The following RBFOX1 variants were observed in gnomAD, a reference collection of about 807,000 sequenced individuals.
RBFOX1 encodes RNA binding fox-1 homolog 1, also known as RNA binding protein fox-1 homolog 1.
A neutral mutation model predicts 57.7 loss-of-function variants in RBFOX1; 8 were observed. The ratio of observed to expected loss-of-function variants is 0.14; its 90% CI spans 0.08 to 0.25. The LOEUF (loss-of-function observed/expected upper bound fraction) is 0.25. Ranked by LOEUF, RBFOX1 falls within the 10% of genes least tolerant of loss-of-function variation. The probability of loss-of-function intolerance (pLI) is 1.00; values close to 1 mark genes in which losing one functional copy is unlikely to be tolerated. For synonymous variants in RBFOX1, 326 were observed against 222.4 expected (o/e 1.47, Z -4.15); for missense variants, 611 against 548.5 (o/e 1.11, Z -1.14).
At chr16:5,733,715 T>C (rs937613491) in intron 3 of RBFOX1, among the ~76,000 whole-genome samples, 2 of 152,088 alleles carry the variant, frequency 1.3e-5, no homozygotes, top group African/African-American at 4.8e-5. Context: ...CCTTTCCCTC[T>C]TACCTCTTTA....
intron 5 of RBFOX1, among the ~76,000 whole-genome samples, chr16:7,564,639 T>C (rs980771286): frequency 6.8e-6 from 1 of 146,216 alleles, no homozygotes; most frequent in Non-Finnish European, 1.5e-5. Context: ...GATCCTGCAC[T>C]ACCAGCCTCC....
chr16:7,196,985 G>C (rs536035948), intron 4 of RBFOX1, among the ~76,000 whole-genome samples: 7 of 152,268 alleles, frequency 4.6e-5, no homozygotes, highest in East Asian at 1.9e-4. Flanking sequence ...CGCAAGTCTG[G>C]GTAATTTTAA....
At chr16:7,156,922 A>G (rs1387926210) in intron 4 of RBFOX1, among the ~76,000 whole-genome samples, 1 of 152,180 alleles carries the variant, frequency 6.6e-6, no homozygotes, top group South Asian at 2.1e-4. Flanking sequence ...CATTCCTATA[A>G]TATATGTGAT....
At chr16:7,038,059 A>C (rs1225431769) in intron 3 of RBFOX1, among the ~76,000 whole-genome samples, 1 of 151,962 alleles carries the variant, frequency 6.6e-6, no homozygotes, top group Non-Finnish European at 1.5e-5. Flanking sequence ...AGAGATTCAA[A>C]TGGTATGTAA....
intron 4 of RBFOX1, among the ~76,000 whole-genome samples, chr16:7,397,004 AAC>A (rs1418875865): frequency 1.3e-5 from 2 of 152,210 alleles, no homozygotes; most frequent in Non-Finnish European, 2.9e-5. Context: ...AAGTATTGGA[AAC>A]ACATAGCCTA....
rs774530398 is a variant in RBFOX1 at position 7,653,942 on chromosome 16, C to T, written c.885C>T (p.Tyr295=). The T allele has an allele frequency of 7.7e-5, 117 of 1,525,238 alleles. No individual in the cohort carries two copies. The highest frequency in any genetic ancestry group is 9.9e-5 in the South Asian group (8 of 80,718). 94.5% of individuals were successfully genotyped at this position (1,525,238 alleles called of 1,614,324 possible). Residue 295 remains tyrosine, a synonymous_variant, in exon 12 of 16, where the codon TAC becomes TAT. Coordinates refer to ENST00000550418, the MANE Select transcript of RBFOX1 (RefSeq NM_018723.4). The part of the protein sequence containing the change: ...AAAPPPPIPA[Y]GGVVYQDGFY... ...CGCCCCCGCCCCCGATCCCGGCCTA[C>T]GGCGGGTAAGTGGGGCAGCCTCCTG...
chr16:5,689,649 G>T (rs564578104), intron 3 of RBFOX1, among the ~76,000 whole-genome samples: 1 of 152,224 alleles, frequency 6.6e-6, no homozygotes, highest in South Asian at 2.1e-4. Flanking sequence ...GAATTTCTGC[G>T]TTATGGTCAC....
intron 2 of RBFOX1, among the ~76,000 whole-genome samples, chr16:6,613,057 G>GT (rs2098089441): frequency 6.6e-6 from 1 of 150,592 alleles, no homozygotes; most frequent in Non-Finnish European, 1.5e-5. Context: ...GTGTGTGTGT[G>GT]TTTTGGAATT....
chr16:6,028,589 C>G (rs2095240712), intron 1 of RBFOX1, among the ~76,000 whole-genome samples: 1 of 149,778 alleles, frequency 6.7e-6, no homozygotes, highest in South Asian at 2.1e-4. Flanking sequence ...GAGGCTGGGA[C>G]AGGATTGCTT....
chr16:7,057,627 T>A (rs1230010364), intron 4 of RBFOX1, among the ~76,000 whole-genome samples: 1 of 152,120 alleles, frequency 6.6e-6, no homozygotes, highest in Non-Finnish European at 1.5e-5. Context: ...TCCAGGGAAG[T>A]GGTATGAAGC....
At chr16:6,561,771 A>T (rs76583657) in intron 2 of RBFOX1, among the ~76,000 whole-genome samples, 1 of 152,208 alleles carries the variant, frequency 6.6e-6, no homozygotes, top group East Asian at 1.9e-4. Flanking sequence ...ATGGCTTTAT[A>T]AGTGATTAGT....
At chr16:7,285,360 C>T (rs1279317304) in intron 4 of RBFOX1, among the ~76,000 whole-genome samples, 2 of 151,392 alleles carry the variant, frequency 1.3e-5, no homozygotes, top group East Asian at 3.9e-4. Context: ...CAAATTTCCC[C>T]AATGTTACTT....
intron 11 of RBFOX1, among the ~76,000 whole-genome samples, chr16:7,645,773 C>A (rs1326679897): frequency 6.6e-6 from 1 of 152,186 alleles, no homozygotes; most frequent in Non-Finnish European, 1.5e-5. Context: ...TTCTAAACAG[C>A]AGTATTTAAT....
intron 3 of RBFOX1, among the ~76,000 whole-genome samples, chr16:6,945,217 C>A (rs185579838): frequency 2.5e-4 from 38 of 152,224 alleles, no homozygotes; most frequent in African/African-American, 8.2e-4. Context: ...CAGCAAAGTT[C>A]CAGCTCAGCC....
intron 4 of RBFOX1, among the ~76,000 whole-genome samples, chr16:5,910,688 C>T (rs919126626): frequency 6.6e-6 from 1 of 152,172 alleles, no homozygotes; most frequent in East Asian, 1.9e-4. Context: ...TCCATCAATG[C>T]CCCACTTCTA....
chr16:7,661,567 T>C (rs949773840), intron 12 of RBFOX1, among the ~76,000 whole-genome samples: 4 of 152,236 alleles, frequency 2.6e-5, no homozygotes, highest in African/African-American at 9.6e-5. Context: ...GGCACCTCTG[T>C]TGCTGTCTCC....
At chr16:7,208,887 T>G (rs1287428419) in intron 4 of RBFOX1, among the ~76,000 whole-genome samples, 1 of 152,010 alleles carries the variant, frequency 6.6e-6, no homozygotes, top group African/African-American at 2.4e-5. Context: ...TCCTAAGGAC[T>G]AAGAGAGCAA....
intron 4 of RBFOX1, among the ~76,000 whole-genome samples, chr16:7,401,432 A>G (rs192417512): frequency 1.5e-3 from 222 of 152,370 alleles, no homozygotes; most frequent in Admixed American, 3.1e-3. Flanking sequence ...TTGGGAAGCC[A>G]TAGATGGGAT....
chr16:7,012,970 A>G (rs781408085), intron 3 of RBFOX1, among the ~76,000 whole-genome samples: 1 of 152,080 alleles, frequency 6.6e-6, no homozygotes, highest in East Asian at 1.9e-4. Context: ...CACCTTCTCA[A>G]TGTGTCTTCA....
Sources: allele counts gnomAD v4.1 joint callset (sites outside exome capture counted in the v4.1 genomes callset), GRCh38; gene constraint gnomAD v4.1.1; transcripts MANE v1.5; gene names NCBI Gene and HGNC (gene_info 2026-07-23, HGNC 2026-07-21).